The following MAP3K2 variants were observed in gnomAD, a reference collection of about 807,000 sequenced individuals.
MAP3K2 encodes the protein mitogen-activated protein kinase kinase kinase 2.
MAP3K2 carries 24 observed loss-of-function variants against 80.3 expected under a neutral mutation model. The observed-to-expected ratio is 0.30, with a 90% CI of 0.22 to 0.42. The LOEUF (loss-of-function observed/expected upper bound fraction) is 0.42. MAP3K2 is among the 10% of genes least tolerant of loss of function. The pLI is 1.00. For missense variants in MAP3K2, 608 were observed against 750.1 expected, an observed-to-expected ratio of 0.81 and a Z score of 2.21; for synonymous variants, 244 against 253.7, an observed-to-expected ratio of 0.96 and a Z score of 0.36.
intron 14 of MAP3K2, among the ~76,000 whole-genome samples, chr2:127,316,203 G>A (rs1166374356): frequency 3.9e-5 from 6 of 151,972 alleles, no homozygotes; most frequent in African/African-American, 1.2e-4. Context: ...GTGAAACCTC[G>A]TCTCTACTAA....
At chr2:127,316,031 C>T (rs1180311407) in intron 14 of MAP3K2, among the ~76,000 whole-genome samples, 2 of 150,962 alleles carry the variant, frequency 1.3e-5, no homozygotes, top group Non-Finnish European at 3.0e-5. Context: ...GCCGAGATCG[C>T]ACCACTGCAC....
chr2:127,311,076 C>T (rs925689642), intron 15 of MAP3K2, among the ~76,000 whole-genome samples: 3 of 152,134 alleles, frequency 2.0e-5, no homozygotes, highest in African/African-American at 4.8e-5. Flanking sequence ...ACCCCTATCA[C>T]GGGGCTTCTG....
intron 11 of MAP3K2, 97 bp downstream of exon 11, chr2:127,323,805 G>T: frequency 5.8e-6 from 3 of 516,146 alleles, no homozygotes; most frequent in South Asian, 4.1e-5. Context: ...TTTTCTAATG[G>T]TATTAACACA....
At chr2:127,319,457 AC>A (rs1685971039) in intron 12 of MAP3K2, among the ~76,000 whole-genome samples, 1 of 151,836 alleles carries the variant, frequency 6.6e-6, no homozygotes. Flanking sequence ...CAATCCACTT[AC>A]TGAGAGCATG....
intron 1 of MAP3K2, among the ~76,000 whole-genome samples, chr2:127,384,040 GT>G (rs956488491): frequency 1.5e-4 from 22 of 151,598 alleles, no homozygotes; most frequent in African/African-American, 5.3e-4. Flanking sequence ...TGCCCGGCTA[GT>G]GGTTTTTTTT....
chr2:127,377,378 A>C (rs1332346727), intron 1 of MAP3K2, among the ~76,000 whole-genome samples: 1 of 140,534 alleles, frequency 7.1e-6, no homozygotes, highest in African/African-American at 2.5e-5. Context: ...ATAGCATCTA[A>C]ATTTCAGTGG....
rs753590225 is a variant in MAP3K2, at chr2:127,330,447, C to T, written c.323G>A (p.Arg108His). The change falls in exon 6 of 17, where the codon CGT (arginine) becomes CAT (histidine). Residue 108 changes from arginine to histidine, a missense_variant. Around this residue, in one of 4 missense-constraint regions of MAP3K2, gnomAD observed 467 missense variants for 521.9 expected, o/e 0.89. Transcript: ENST00000682094. ...CTTGAGGCTCTTCATATGAATACTA[C>T]GATCCAGCAGTTCCACAGCTTTGTC... The part of the protein sequence containing the change: ...DLDKAVELLD[R>H]SIHMKSLKIL... 1.1e-5 allele frequency: 18 copies of T among 1,609,738 alleles called. No homozygotes were observed. Among genetic ancestry groups the T allele is most frequent in the South Asian group, 7.7e-5 (7 of 90,486 alleles).
At chr2:127,331,289 T>C (rs1558979114) in intron 5 of MAP3K2, among the ~76,000 whole-genome samples, 1 of 152,170 alleles carries the variant, frequency 6.6e-6, no homozygotes, top group Non-Finnish European at 1.5e-5. Context: ...GAAGACTCTG[T>C]CAATAACTTC....
intron 1 of MAP3K2, among the ~76,000 whole-genome samples, chr2:127,370,151 C>T (rs1440325401): frequency 6.6e-6 from 1 of 152,208 alleles, no homozygotes; most frequent in African/African-American, 2.4e-5. Context: ...GTGAATTCCC[C>T]ACAAGTGTGT....
At chr2:127,338,013 T>C (rs1428940117) in intron 3 of MAP3K2, among the ~76,000 whole-genome samples, 1 of 152,186 alleles carries the variant, frequency 6.6e-6, no homozygotes, top group Non-Finnish European at 1.5e-5. Context: ...CAAGATCTAT[T>C]AGTGAAGGTA....
intron 1 of MAP3K2, among the ~76,000 whole-genome samples, chr2:127,360,337 A>T (rs150971051): frequency 6.0e-4 from 92 of 152,068 alleles, no homozygotes; most frequent in South Asian, 1.2e-3. Flanking sequence ...AGGTAAACTA[A>T]TCTATGGTGA....
chr2:127,367,471 C>T (rs1411425587), intron 1 of MAP3K2, among the ~76,000 whole-genome samples: 4 of 152,088 alleles, frequency 2.6e-5, no homozygotes, highest in African/African-American at 9.7e-5. Context: ...GTCTCATTTC[C>T]CTATCACATT....
chr2:127,322,344 T>A lies in MAP3K2; in HGVS notation c.839-92A>T, dbSNP rs1358017697. ...ATTTGTAATGTAGAGAATAGAAATT[T>A]GTCCTGTGACTAGGCTAAGAAACTC... is the stretch of plus-strand genomic sequence containing the variant. On this transcript the variant is annotated intron_variant, in intron 11 of 16. Transcript: ENST00000682094. The surrounding 1 kb of genome is among the most constrained non-coding windows in gnomAD (Gnocchi z 4.2). 3 of 819,568 alleles carry A rather than the reference T, an allele frequency of 3.7e-6. No homozygotes were observed. In the African/African-American group the frequency reaches 5.2e-5, roughly 14 times the overall value. The allele number at this position is 819,568 out of a possible 1,614,324, so 50.8% of individuals were successfully genotyped here.
chr2:127,372,896 T>C (rs537828544), intron 1 of MAP3K2, among the ~76,000 whole-genome samples: 11 of 152,324 alleles, frequency 7.2e-5, no homozygotes, highest in Middle Eastern at 6.8e-3. Flanking sequence ...ATGGAGACTT[T>C]TGCACGACTT....
At position 127,324,251 on chromosome 2, in the gene MAP3K2, A is replaced by G. The variant is rs1686086283; in HGVS notation, c.678-10T>C. 3 of 1,495,890 alleles carry G rather than the reference A, an allele frequency of 2.0e-6. No homozygotes were observed. The highest frequency in any genetic ancestry group is 1.8e-6 in the Non-Finnish European group (2 of 1,106,322). The allele number at this position is 1,495,890 out of a possible 1,614,324, so 92.7% of individuals were successfully genotyped here. On this transcript the variant is annotated splice_polypyrimidine_tract_variant and intron_variant, in intron 9 of 16. Transcript: ENST00000682094. ...TTTTGGATAGCTCTCTCTATAAAGA[A>G]AAAACATCACATTAAGTTTACAGAA...
intron 1 of MAP3K2, among the ~76,000 whole-genome samples, chr2:127,353,490 C>A (rs1419364209): frequency 6.6e-6 from 1 of 150,664 alleles, no homozygotes; most frequent in Non-Finnish European, 1.5e-5. Flanking sequence ...AAGTGAGGAG[C>A]CCCTCCGCCC....
In MAP3K2 at chr2:127,305,174, C is replaced by T. The variant is rs1285886985; in HGVS notation, c.*2405G>A. 4.6e-5 allele frequency: 7 copies of T among 152,496 alleles called. No homozygotes were observed. The highest frequency in any genetic ancestry group is 4.4e-5 in the Non-Finnish European group (3 of 68,008). The allele number at this position is 152,496 out of a possible 1,614,324, so 9.4% of individuals were successfully genotyped here. On this transcript the variant is annotated 3_prime_UTR_variant, in exon 17 of 17. Transcript: ENST00000682094. ...TATTGTGCACTGCTGGTTACCCTGA[C>T]AGACCAAAAACGAGCCAAAGGAAAA...
rs1196786223 is a variant in MAP3K2 at position 127,339,289 on chromosome 2, TC to T, written c.5-240del. 6.6e-6 allele frequency among the ~76,000 whole-genome samples: 1 copy of T among 152,238 alleles called. No homozygotes were observed. The highest frequency in any genetic ancestry group is 2.4e-5 in the African/African-American group (1 of 41,464). On this transcript the variant is annotated intron_variant, in intron 2 of 16. Transcript: ENST00000682094. This position sits in a 1 kb window ranked among gnomAD's most constrained non-coding sequence, Gnocchi z 4.2. The stretch of plus-strand genomic sequence containing the variant: ...ATGGACAAGATGAAGTCATTCTGAT[TC>T]TTCCAATGATTTAATATCCTAGAAT...
At chr2:127,328,894 C>T (rs1415259198) in intron 7 of MAP3K2, among the ~76,000 whole-genome samples, 1 of 152,010 alleles carries the variant, frequency 6.6e-6, no homozygotes, top group African/African-American at 2.4e-5. Flanking sequence ...CTTTTAAATC[C>T]GCCCCTCATA....
Sources: gnomAD v4.1 joint callset for allele counts (sites outside exome capture counted in the v4.1 genomes callset) on GRCh38, gnomAD v4.1.1 for gene constraint, gnomAD v4.1.1 regional missense constraint, Gnocchi (gnomAD v3.1) non-coding constraint, MANE v1.5 for transcripts, NCBI Gene and HGNC (gene_info 2026-07-23, HGNC 2026-07-21) for gene names.